Variants in ATP6V1A observed in about 807,000 individuals in gnomAD.
The protein encoded by ATP6V1A is V-type proton ATPase catalytic subunit A.
ATP6V1A carries 18 observed loss-of-function variants against 70.1 expected under a neutral mutation model. The ratio of observed to expected loss-of-function variants is 0.26; its 90% CI spans 0.18 to 0.38. ATP6V1A has a LOEUF of 0.38. ATP6V1A is among the 10% of genes least tolerant of loss of function. The probability of loss-of-function intolerance (pLI) is 1.00; values close to 1 mark genes in which losing one functional copy is unlikely to be tolerated. For synonymous variants in ATP6V1A, 232 were observed against 253.8 expected, an observed-to-expected ratio of 0.91 and a Z score of 0.82; for missense variants, 424 against 772.4, an observed-to-expected ratio of 0.55 and a Z score of 5.35.
intron 8 of ATP6V1A, among the ~76,000 whole-genome samples, chr3:113,794,349 A>C (rs1270312619): frequency 6.6e-6 from 1 of 152,252 alleles, no homozygotes; most frequent in Non-Finnish European, 1.5e-5. Context: ...ATTTCAACAA[A>C]GAATAGAGAA....
intron 5 of ATP6V1A, among the ~76,000 whole-genome samples, 155 bp from the exon 6 acceptor site, chr3:113,786,077 G>C (rs1709036861): frequency 6.8e-6 from 1 of 147,732 alleles, no homozygotes; most frequent in Non-Finnish European, 1.5e-5. Context: ...AAAAAGCTAA[G>C]ACTATATATA....
intron 1 of ATP6V1A, among the ~76,000 whole-genome samples, chr3:113,773,619 T>G (rs932045933): frequency 1.1e-4 from 16 of 152,274 alleles, no homozygotes; most frequent in African/African-American, 3.4e-4. Flanking sequence ...AGTATGTAAA[T>G]AAATACTTGT....
At chr3:113,776,318 C>T (rs536016254) in intron 1 of ATP6V1A, among the ~76,000 whole-genome samples, 30 of 152,118 alleles carry the variant, frequency 2.0e-4, no homozygotes, top group Non-Finnish European at 2.4e-4. Context: ...TGCAGTGAGC[C>T]GTGATCACGC....
chr3:113,784,619 G>T, intron 4 of ATP6V1A, 77 bp from the exon 5 acceptor site: 2 of 1,541,332 alleles, frequency 1.3e-6, no homozygotes, highest in Non-Finnish European at 1.8e-6. Flanking sequence ...TCAGGTAATT[G>T]ATTTAAATTA....
At chr3:113,761,120 T>A (rs574793893) in intron 1 of ATP6V1A, among the ~76,000 whole-genome samples, 3 of 152,024 alleles carry the variant, frequency 2.0e-5, no homozygotes, top group African/African-American at 7.2e-5. Context: ...TTTTCTTTTT[T>A]TTTGAGACAG....
chr3:113,796,205 G>C (rs1224090180), intron 11 of ATP6V1A, among the ~76,000 whole-genome samples: 1 of 152,136 alleles, frequency 6.6e-6, no homozygotes, highest in East Asian at 1.9e-4. Flanking sequence ...ATTAGTATTA[G>C]AGTAGTATTA....
rs1709344189 is a variant in ATP6V1A at position 113,811,797 on chromosome 3, A to G, written c.*2370A>G. ...GTAAGAATGTGTTAAAATTACAATG[A>G]TCTTTTAAAAAGATGATGCAGTTCT... On this transcript the variant is annotated 3_prime_UTR_variant, in exon 15 of 15. Transcript: ENST00000273398. The G allele has an allele frequency of 6.6e-6, 1 of 152,624 alleles. No homozygotes were observed. Among genetic ancestry groups the G allele is most frequent in the African/African-American group, 2.4e-5 (1 of 41,448 alleles). 9.5% of individuals were successfully genotyped at this position (152,624 alleles called of 1,614,324 possible). A position where few individuals can be genotyped will look rare whatever the true frequency, so the allele number is the denominator to read the frequency against.
In ATP6V1A at chr3:113,795,163, T is replaced by C. The variant is rs1709140080; in HGVS notation, c.1185T>C (p.Leu395=). 5 of 1,614,058 alleles carry C rather than the reference T, an allele frequency of 3.1e-6. No individual in the cohort carries two copies. Among genetic ancestry groups the C allele is most frequent in the African/African-American group, 1.3e-5 (1 of 74,926 alleles). Residue 395 remains leucine (L), a synonymous_variant, in exon 10 of 15, where the codon CTT becomes CTC. Coordinates refer to ENST00000273398, the MANE Select transcript of ATP6V1A (RefSeq NM_001690.4). ...FYERAGRVKC[L]GNPEREGSVS... ...AACGAGCAGGCAGGGTGAAATGTCT[T>C]GGAAATCCTGAAAGAGAAGGGAGTG...
chr3:113,798,962 T>C (rs938306997), intron 12 of ATP6V1A, among the ~76,000 whole-genome samples: 5 of 152,208 alleles, frequency 3.3e-5, no homozygotes, highest in African/African-American at 4.8e-5. Flanking sequence ...TTATTACATG[T>C]TACAAAGTCA....
intron 3 of ATP6V1A, among the ~76,000 whole-genome samples, chr3:113,782,540 C>CTATA (rs1243231459): frequency 8.3e-5 from 12 of 144,562 alleles, no homozygotes; most frequent in African/African-American, 3.1e-4. Context: ...CTCTCTCTCT[C>CTATA]TCTATATATA....
At chr3:113,784,633 C>T in intron 4 of ATP6V1A, 63 bp from the exon 5 acceptor site, 2 of 1,571,410 alleles carry the variant, frequency 1.3e-6, no homozygotes, top group Admixed American at 1.7e-5. Flanking sequence ...TAAATTATAG[C>T]AGCAGGGGCA....
rs779042353 is a variant in ATP6V1A at position 113,805,350 on chromosome 3, C to G, written c.1590-4C>G. Reference sequence around the variant, plus strand: ...TTAATTTTTTGGACCTTCATTTATTCTAGGTTCTGCCCATTCTACAAGACA... The same window carrying G: ...TTAATTTTTTGGACCTTCATTTATTGTAGGTTCTGCCCATTCTACAAGACA... On this transcript the variant is annotated splice_region_variant and splice_polypyrimidine_tract_variant and intron_variant, in intron 13 of 14. Transcript: ENST00000273398. 6.2e-7 allele frequency: 1 copy of G among 1,612,950 alleles called. No homozygotes were observed. Among genetic ancestry groups the G allele is most frequent in the East Asian group, 2.2e-5 (1 of 44,842 alleles).
At chr3:113,753,384 A>T (rs893283868) in intron 1 of ATP6V1A, among the ~76,000 whole-genome samples, 1 of 152,212 alleles carries the variant, frequency 6.6e-6, no homozygotes, top group Non-Finnish European at 1.5e-5. Context: ...ATCAAGCAAC[A>T]TCAGTTAATA....
chr3:113,780,905 A>G (rs1041337426), intron 2 of ATP6V1A, 145 bp from the exon 3 acceptor site: 4 of 1,305,946 alleles, frequency 3.1e-6, no homozygotes, highest in Admixed American at 5.7e-5. Flanking sequence ...TGAAACTACC[A>G]GTATGTTCCA....
chr3:113,798,884 G>A (rs567218653), intron 12 of ATP6V1A, among the ~76,000 whole-genome samples: 1 of 152,272 alleles, frequency 6.6e-6, no homozygotes, highest in East Asian at 1.9e-4. Flanking sequence ...ATGCCAGAAT[G>A]AAAAGACTTC....
At chr3:113,782,573 C>CGTATATATATACACATATATATATATAT (rs1708990423) in intron 3 of ATP6V1A, among the ~76,000 whole-genome samples, 1 of 141,208 alleles carries the variant, frequency 7.1e-6, no homozygotes, top group South Asian at 2.2e-4. Flanking sequence ...TATATATATA[C>CGTATATATATACACATATATATATATAT]GTATATATAT....
intron 1 of ATP6V1A, among the ~76,000 whole-genome samples, chr3:113,754,475 AG>A (rs1708625195): frequency 6.6e-6 from 1 of 152,122 alleles, no homozygotes; most frequent in South Asian, 2.1e-4. Flanking sequence ...TCAAGGTTTC[AG>A]TGAACTGCGA....
chr3:113,756,706 A>C (rs1325889267), intron 1 of ATP6V1A, among the ~76,000 whole-genome samples: 1 of 152,208 alleles, frequency 6.6e-6, no homozygotes, highest in Non-Finnish European at 1.5e-5. Context: ...ATACATTGAA[A>C]TTCTATCAAT....
intron 1 of ATP6V1A, among the ~76,000 whole-genome samples, chr3:113,759,501 A>C (rs1215360592): frequency 6.6e-6 from 1 of 151,922 alleles, no homozygotes; most frequent in Non-Finnish European, 1.5e-5. Context: ...TTATCTGTTC[A>C]TTATAGAATT....
Sources: allele counts gnomAD v4.1 joint callset (sites outside exome capture counted in the v4.1 genomes callset), GRCh38; gene constraint gnomAD v4.1.1; transcripts MANE v1.5; gene names NCBI Gene and HGNC (gene_info 2026-07-23, HGNC 2026-07-21).